The following ABTB3 variants were observed in gnomAD, a reference collection of about 807,000 sequenced individuals.
ABTB3 encodes the protein ankyrin repeat- and BTB/POZ domain-containing protein 3.
the ABTB3 span, among the ~76,000 whole-genome samples, chr12:107,532,356 C>T: frequency 1.3e-5 from 2 of 152,214 alleles, no homozygotes; most frequent in Non-Finnish European, 2.9e-5. Context: ...ATCCTTGTCC[C>T]CAGCAAAACC....
the ABTB3 span, among the ~76,000 whole-genome samples, chr12:107,582,900 C>T: frequency 2.0e-5 from 3 of 152,268 alleles, no homozygotes; most frequent in African/African-American, 4.8e-5. Context: ...GCAGGAAGCC[C>T]GGGACTGCTG....
chr12:107,439,846 G>GGTTTT, the ABTB3 span, among the ~76,000 whole-genome samples: 1 of 152,020 alleles, frequency 6.6e-6, no homozygotes, highest in Non-Finnish European at 1.5e-5. Flanking sequence ...GTTTCTATTG[G>GGTTTT]GTTTTGTTTT....
chr12:107,599,216 G>T, the ABTB3 span, among the ~76,000 whole-genome samples: 9 of 152,168 alleles, frequency 5.9e-5, no homozygotes, highest in South Asian at 1.9e-3. Flanking sequence ...TACACATCCC[G>T]CTTTTCTCAG....
chr12:107,486,589 C>T, the ABTB3 span: 11 of 152,094 alleles, frequency 7.2e-5, no homozygotes, highest in Middle Eastern at 3.4e-3. Flanking sequence ...GCTTAGCTTC[C>T]AAAATCAGAC....
At chr12:107,594,285 A>G in the ABTB3 span, among the ~76,000 whole-genome samples, 2 of 152,152 alleles carry the variant, frequency 1.3e-5, no homozygotes. Context: ...TGAAATAAAT[A>G]TTTTTAAACA....
the ABTB3 span, among the ~76,000 whole-genome samples, chr12:107,547,092 G>A: frequency 3.3e-5 from 5 of 152,030 alleles, no homozygotes; most frequent in Admixed American, 2.0e-4. Flanking sequence ...TACTTAGGGG[G>A]CTGAAGCAGG....
chr12:107,550,492 G>T, the ABTB3 span, among the ~76,000 whole-genome samples: 1 of 127,430 alleles, frequency 7.8e-6, no homozygotes, highest in African/African-American at 2.9e-5. Flanking sequence ...GTTCTGGGAA[G>T]CTAAAAAAAA....
chr12:107,346,442 G>T, the ABTB3 span, among the ~76,000 whole-genome samples: 1 of 152,130 alleles, frequency 6.6e-6, no homozygotes, highest in East Asian at 1.9e-4. Flanking sequence ...ATAACAGGAA[G>T]CCCTTCAAAT....
At chr12:107,477,776 T>C in the ABTB3 span, among the ~76,000 whole-genome samples, 1 of 152,068 alleles carries the variant, frequency 6.6e-6, no homozygotes, top group African/African-American at 2.4e-5. Flanking sequence ...GACACAAAAA[T>C]AAGCCAGAAA....
At chr12:107,577,189 C>T in the ABTB3 span, among the ~76,000 whole-genome samples, 44 of 152,268 alleles carry the variant, frequency 2.9e-4, no homozygotes, top group African/African-American at 9.1e-4. Context: ...ACCTTATGGC[C>T]CACAAAGCCT....
At chr12:107,342,610 G>T in the ABTB3 span, among the ~76,000 whole-genome samples, 1 of 152,112 alleles carries the variant, frequency 6.6e-6, no homozygotes, top group African/African-American at 2.4e-5. Flanking sequence ...CCTATTGACT[G>T]CAGGGTCAAG....
At chr12:107,443,848 C>T in the ABTB3 span, among the ~76,000 whole-genome samples, 3 of 152,100 alleles carry the variant, frequency 2.0e-5, no homozygotes, top group African/African-American at 7.2e-5. Context: ...CTCCTGCCCT[C>T]GGAAAGGACT....
chr12:107,642,121 A>C, the ABTB3 span: 4 of 1,613,920 alleles, frequency 2.5e-6, no homozygotes, highest in Admixed American at 6.7e-5. Flanking sequence ...CAAGCCGACA[A>C]ATGATGGCAC....
the ABTB3 span, among the ~76,000 whole-genome samples, chr12:107,331,895 C>T: frequency 2.0e-5 from 3 of 152,198 alleles, no homozygotes; most frequent in Admixed American, 6.5e-5. Context: ...TCCCCCCCGC[C>T]CCACCTCTCC....
At chr12:107,444,940 G>T in the ABTB3 span, among the ~76,000 whole-genome samples, 1 of 152,158 alleles carries the variant, frequency 6.6e-6, no homozygotes, top group African/African-American at 2.4e-5. Context: ...AGACTGACAG[G>T]CCTGTGATAT....
At chr12:107,646,265 A>C in the ABTB3 span, among the ~76,000 whole-genome samples, 4 of 152,224 alleles carry the variant, frequency 2.6e-5, no homozygotes, top group South Asian at 8.3e-4. Flanking sequence ...TTGTGCCGGC[A>C]GAGTTTGAAG....
At chr12:107,370,202 A>G in the ABTB3 span, among the ~76,000 whole-genome samples, 4 of 152,162 alleles carry the variant, frequency 2.6e-5, no homozygotes, top group African/African-American at 9.7e-5. Flanking sequence ...GATCCCTCAA[A>G]TGTCACTGCC....
the ABTB3 span, among the ~76,000 whole-genome samples, chr12:107,464,204 AGAGTGTGTGTGT>A: frequency 0.011 from 1,383 of 129,158 alleles, 29 homozygotes; most frequent in African/African-American, 0.039. Context: ...AAACATGTGA[AGAGTGTGTGTGT>A]GTGTGTGTGT....
chr12:107,657,011 C>T, the ABTB3 span, among the ~76,000 whole-genome samples: 6 of 152,184 alleles, frequency 3.9e-5, no homozygotes, highest in East Asian at 1.2e-3. Context: ...CCGCTGCGCT[C>T]CAGCCTGGGC....
Sources: gnomAD v4.1 joint callset for allele counts (sites outside exome capture counted in the v4.1 genomes callset) on GRCh38, gnomAD v4.1.1 for gene constraint, MANE v1.5 for transcripts, NCBI Gene and HGNC (gene_info 2026-07-23, HGNC 2026-07-21) for gene names.